GRIA1: variants seen among roughly 807,000 people sequenced by gnomAD.
GRIA1 encodes the protein glutamate ionotropic receptor AMPA type subunit 1.
A neutral mutation model predicts 99.2 loss-of-function variants in GRIA1; 31 were observed. The observed-to-expected ratio is 0.31, with a 90% CI of 0.23 to 0.42. The LOEUF (loss-of-function observed/expected upper bound fraction) is 0.42, where lower values mean the gene tolerates loss of function less well. Among genes scored for constraint, GRIA1 ranks in the 10% least tolerant of loss-of-function variants. The pLI is 1.00. For missense variants in GRIA1, 782 were observed against 1,157.5 expected (o/e 0.68, Z 4.71); for synonymous variants, 438 against 432.4 (o/e 1.01, Z -0.16).
chr5:153,783,766 C>T (rs554788105), intron 13 of GRIA1, among the ~76,000 whole-genome samples: 28 of 152,316 alleles, frequency 1.8e-4, no homozygotes, highest in African/African-American at 6.3e-4. Context: ...GTGCAGTGTG[C>T]AGGGTTCCTG....
rs146865938 is a variant in GRIA1, at chr5:153,650,491, C to T, written c.622C>T (p.Arg208Cys). 1.6e-4 allele frequency: 255 copies of T among 1,613,686 alleles called. No homozygotes were observed. The highest frequency in any genetic ancestry group is 2.2e-4 in the East Asian group (10 of 44,848). The part of the protein sequence containing the change: ...RLVVVDCESE[R>C]LNAILGQIIK... ...GGTGGTGGTGGACTGTGAATCAGAA[C>T]GCCTCAATGCTATCTTGGGCCAGGT... is the stretch of plus-strand genomic sequence containing the variant. Residue 208 changes from arginine to cysteine, a missense_variant, in exon 4 of 16, where the codon CGC becomes TGC. Physicochemically the swap from Arg to Cys is radical, Grantham distance 180. Transcript: ENST00000285900.
chr5:153,809,890 A>C (rs1307059583), intron 15 of GRIA1, among the ~76,000 whole-genome samples: 4 of 152,188 alleles, frequency 2.6e-5, no homozygotes, highest in Non-Finnish European at 5.9e-5. Context: ...AACAGAACGC[A>C]CCTTGAAGAA....
At chr5:153,553,453 T>C (rs1044526287) in intron 2 of GRIA1, among the ~76,000 whole-genome samples, 1 of 152,160 alleles carries the variant, frequency 6.6e-6, no homozygotes, top group African/African-American at 2.4e-5. Flanking sequence ...ACGGGGAGAC[T>C]TGAGAGACCA....
intron 2 of GRIA1, among the ~76,000 whole-genome samples, chr5:153,567,767 A>G (rs1232916266): frequency 6.6e-6 from 1 of 152,192 alleles, no homozygotes; most frequent in African/African-American, 2.4e-5. Context: ...GTGGGGATGC[A>G]CTTGATGTGT....
intron 2 of GRIA1, among the ~76,000 whole-genome samples, chr5:153,515,508 T>G (rs1756529982): frequency 6.6e-6 from 1 of 152,150 alleles, no homozygotes; most frequent in African/African-American, 2.4e-5. Context: ...GGCACAAGGT[T>G]TCAGTTAGAC....
At chr5:153,771,427 T>C (rs1257674117) in intron 13 of GRIA1, among the ~76,000 whole-genome samples, 1 of 152,236 alleles carries the variant, frequency 6.6e-6, no homozygotes, top group African/African-American at 2.4e-5. Context: ...TATTCATTTA[T>C]CTTAATAATA....
At chr5:153,801,962 C>CG (rs1561872129) in intron 14 of GRIA1, among the ~76,000 whole-genome samples, 6 of 9,786 alleles carry the variant, frequency 6.1e-4, no homozygotes, top group Non-Finnish European at 1.4e-3. Context: ...CGGGGGGGGG[C>CG]GGGGGGCAGG....
At chr5:153,552,114 G>T (rs1348987317) in intron 2 of GRIA1, among the ~76,000 whole-genome samples, 1 of 151,882 alleles carries the variant, frequency 6.6e-6, no homozygotes, top group Non-Finnish European at 1.5e-5. Context: ...GGTGTTCTAT[G>T]GATTGCATCC....
At chr5:153,691,454 G>T (rs1302834333) in intron 8 of GRIA1, among the ~76,000 whole-genome samples, 2 of 152,032 alleles carry the variant, frequency 1.3e-5, no homozygotes, top group African/African-American at 2.4e-5. Flanking sequence ...ATTTCAATTC[G>T]ATTTGAGTGG....
intron 11 of GRIA1, among the ~76,000 whole-genome samples, chr5:153,748,210 G>T (rs1255337332): frequency 6.6e-6 from 1 of 152,206 alleles, no homozygotes; most frequent in Non-Finnish European, 1.5e-5. Context: ...AGAAAAGATG[G>T]GTGATGGAGG....
At chr5:153,510,125 C>T (rs1190927347) in intron 2 of GRIA1, among the ~76,000 whole-genome samples, 1 of 152,084 alleles carries the variant, frequency 6.6e-6, no homozygotes, top group African/African-American at 2.4e-5. Context: ...AGTCAGCTGC[C>T]TTAAAATAAT....
intron 2 of GRIA1, among the ~76,000 whole-genome samples, chr5:153,589,939 G>A (rs1003277313): frequency 6.6e-6 from 1 of 152,118 alleles, no homozygotes; most frequent in African/African-American, 2.4e-5. Flanking sequence ...TGATTGCACA[G>A]TACTATATTG....
chr5:153,703,095 C>A (rs1218901589), intron 10 of GRIA1, among the ~76,000 whole-genome samples: 2 of 152,152 alleles, frequency 1.3e-5, no homozygotes, highest in Admixed American at 1.3e-4. Context: ...TCAATATTAA[C>A]CAAGCTAAAA....
At chr5:153,519,482 G>A (rs1234041917) in intron 2 of GRIA1, among the ~76,000 whole-genome samples, 1 of 151,310 alleles carries the variant, frequency 6.6e-6, no homozygotes, top group Non-Finnish European at 1.5e-5. Flanking sequence ...CTGTAACTCA[G>A]TTCTCATCTT....
intron 13 of GRIA1, among the ~76,000 whole-genome samples, chr5:153,783,665 G>T (rs1469119388): frequency 6.6e-6 from 1 of 152,154 alleles, no homozygotes; most frequent in African/African-American, 2.4e-5. Flanking sequence ...AGTTTTGAGG[G>T]GTTCAAGAAA....
At position 153,795,458 on chromosome 5, in the gene GRIA1, T is replaced by C. The variant is rs773852509; in HGVS notation, c.2385+723T>C. Reference sequence around the variant, plus strand: ...AACATTGGTAATGTTATTTATGTTATTTCCCCCCTGGTTGAAGAGGTCCCG... The same window carrying C: ...AACATTGGTAATGTTATTTATGTTACTTCCCCCCTGGTTGAAGAGGTCCCG... On this transcript the variant is annotated intron_variant, in intron 14 of 15. Transcript: ENST00000285900. 3 of 1,323,904 alleles carry C rather than the reference T, an allele frequency of 2.3e-6. No homozygotes were observed. The South Asian group carries it at 3.6e-5, about 16-fold the overall frequency. 82.0% of individuals were successfully genotyped at this position (1,323,904 alleles called of 1,614,324 possible).
At position 153,770,254 on chromosome 5, in the gene GRIA1, G is replaced by A; in HGVS notation, c.2109G>A (p.Gly703=). The change falls in exon 13 of 16, where the codon GGG becomes GGA. Residue 703 remains glycine (G), a synonymous_variant. Coordinates refer to ENST00000285900, the MANE Select transcript of GRIA1 (RefSeq NM_000827.4). ...TTTTTGTGCGGACCACAGAGGAGGG[G>A]ATGATTCGAGTGAGGAAATCCAAAG... ...PSVFVRTTEE[G]MIRVRKSKGK... 5 of 1,614,060 alleles carry A rather than the reference G, an allele frequency of 3.1e-6. No homozygotes were observed. The highest frequency in any genetic ancestry group is 4.2e-6 in the Non-Finnish European group (5 of 1,179,946).
chr5:153,559,309 C>A (rs1187660329), intron 2 of GRIA1, among the ~76,000 whole-genome samples: 1 of 152,170 alleles, frequency 6.6e-6, no homozygotes. Flanking sequence ...TCATTAACTT[C>A]TCTCCCTGGG....
chr5:153,549,959 C>T (rs776982177), intron 2 of GRIA1, among the ~76,000 whole-genome samples: 2 of 152,144 alleles, frequency 1.3e-5, no homozygotes, highest in African/African-American at 2.4e-5. Flanking sequence ...AGTTCTATCG[C>T]TTACTATCGG....
Sources: allele counts gnomAD v4.1 joint callset (sites outside exome capture counted in the v4.1 genomes callset), GRCh38; gene constraint gnomAD v4.1.1; transcripts MANE v1.5; gene names NCBI Gene and HGNC (gene_info 2026-07-23, HGNC 2026-07-21).